Variants in MICB observed in about 807,000 individuals in gnomAD.
The protein encoded by MICB is MHC class I polypeptide-related sequence B.
In MICB, 27 loss-of-function variants were observed where a neutral mutation model predicts 34.3. That is an observed-to-expected ratio of 0.79 (90% CI 0.58 to 1.08). The LOEUF (loss-of-function observed/expected upper bound fraction) is 1.08, where lower values mean the gene tolerates loss of function less well. Ranked by LOEUF, MICB falls within the 50% of genes least tolerant of loss-of-function variation. The pLI, the probability that MICB is intolerant of heterozygous loss-of-function variation, is 0.00. For missense variants in MICB, 426 were observed against 483.1 expected (o/e 0.88, Z 1.11); for synonymous variants, 153 against 187.4 (o/e 0.82, Z 1.50).
chr6:31,501,171 A>G (rs957452302), intron 1 of MICB, among the ~76,000 whole-genome samples: 2 of 152,152 alleles, frequency 1.3e-5, no homozygotes, highest in African/African-American at 2.4e-5. Flanking sequence ...ATTTGCCTTC[A>G]TCTGATGACG....
chr6:31,506,522 T>A, intron 3 of MICB, 92 bp downstream of exon 3: 1 of 1,394,354 alleles, frequency 7.2e-7, no homozygotes, highest in South Asian at 1.4e-5. Flanking sequence ...CTCCCTGTGC[T>A]ATGGATGCAG....
chr6:31,498,873 C>G (rs886544181), intron 1 of MICB, among the ~76,000 whole-genome samples: 71 of 152,254 alleles, frequency 4.7e-4, no homozygotes, highest in Non-Finnish European at 8.7e-4. Context: ...ACTTTTCGGA[C>G]AAACCAGTCC....
intron 5 of MICB, among the ~76,000 whole-genome samples, chr6:31,509,077 C>T (rs2844498): frequency 0.46 from 69,497 of 151,922 alleles, 16,250 homozygotes; most frequent in East Asian, 0.62. Context: ...AAGCAGCAGC[C>T]CTGGGGTGAA....
Position 31,506,178 on chromosome 6 carries a change from A to G in MICB, c.361A>G (p.Ile121Val). The change falls in exon 3 of 6, where the codon ATC becomes GTC. Residue 121 changes from isoleucine to valine, a missense_variant. Ile to Val is a conservative substitution (Grantham distance 29). Coordinates refer to ENST00000252229, the MANE Select transcript of MICB (RefSeq NM_005931.5). Reference sequence around the variant, plus strand: ...CCTCCAGGAGATTAGGGTCTGTGAGATCCATGAAGACAGCAGCACCAGGGG... The same window carrying G: ...CCTCCAGGAGATTAGGGTCTGTGAGGTCCATGAAGACAGCAGCACCAGGGG... ...HSLQEIRVCE[I>V]HEDSSTRGSR... 2 of 1,614,058 alleles carry G rather than the reference A, an allele frequency of 1.2e-6. No homozygotes were observed. Among genetic ancestry groups the G allele is most frequent in the Non-Finnish European group, 1.7e-6 (2 of 1,179,984 alleles).
Position 31,507,585 on chromosome 6 carries a change from G to T in MICB, c.1024+54G>T. 1 of 1,607,516 alleles carries T rather than the reference G, an allele frequency of 6.2e-7. No individual in the cohort carries two copies. The highest frequency in any genetic ancestry group is 1.1e-5 in the South Asian group (1 of 90,648). ...GGGAAAGCTCCTTTCTAGGCAGTAGGGTCTCCTCATTGCTCCTGCCCAGAC... is the reference window on the plus strand; with the variant it reads ...GGGAAAGCTCCTTTCTAGGCAGTAGTGTCTCCTCATTGCTCCTGCCCAGAC... On this transcript the variant is annotated intron_variant, in intron 5 of 5. Transcript: ENST00000252229. The surrounding 1 kb of genome is among the most constrained non-coding windows in gnomAD (Gnocchi z 6.0).
At chr6:31,498,139 G>A, upstream of MICB, 2 of 1,464,634 alleles carry the variant, frequency 1.4e-6, no homozygotes, top group Non-Finnish European at 1.9e-6. Context: ...TCTTCTCACG[G>A]GTTTCATTCA....
At chr6:31,500,332 T>C (rs1235949663) in intron 1 of MICB, among the ~76,000 whole-genome samples, 1 of 152,132 alleles carries the variant, frequency 6.6e-6, no homozygotes, top group Non-Finnish European at 1.5e-5. Context: ...GTAGTAGATA[T>C]GTATGTATAT....
upstream of MICB, chr6:31,498,070 C>A: frequency 1.5e-6 from 1 of 652,160 alleles, no homozygotes; most frequent in Non-Finnish European, 2.4e-6. Context: ...TTCCGGGCCT[C>A]AGTTTTCACT....
Position 31,505,718 on chromosome 6 carries a change from C to A in MICB, c.172C>A (p.Arg58Ser). The A allele has an allele frequency of 6.2e-7, 1 of 1,613,076 alleles. No individual in the cohort carries two copies. The highest frequency in any genetic ancestry group is 8.5e-7 in the Non-Finnish European group (1 of 1,180,032). The change falls in exon 2 of 6, where the codon CGC (arginine) becomes AGC (serine). Residue 58 changes from arginine (R) to serine (S), a missense_variant. Physicochemically the swap from Arg to Ser is moderately radical, Grantham distance 110. Transcript: ENST00000252229. ...EGHLDGQPFL[R>S]YDRQKRRAKP... ...ACATCTGGATGGTCAGCCCTTCCTG[C>A]GCTATGACAGGCAGAAACGCAGGGC...
chr6:31,505,265 T>C (rs2855814), intron 1 of MICB, among the ~76,000 whole-genome samples: 18,153 of 152,102 alleles, frequency 0.12, 1,204 homozygotes, highest in Admixed American at 0.21. Flanking sequence ...CCATTCCCAC[T>C]GTCCCCTCTG....
chr6:31,504,499 T>C (rs1765189838), intron 1 of MICB, among the ~76,000 whole-genome samples: 1 of 140,724 alleles, frequency 7.1e-6, no homozygotes, highest in Non-Finnish European at 1.6e-5. Context: ...GACCTGGTGA[T>C]ACACCCGCCT....
chr6:31,498,383 T>A, intron 1 of MICB, 120 bp downstream of exon 1: 1 of 611,352 alleles, frequency 1.6e-6, no homozygotes, highest in Non-Finnish European at 2.5e-6. Context: ...CTGTCTGGAG[T>A]GCAGGGAGCT....
chr6:31,507,387 C>A lies in MICB; in HGVS notation c.893-13C>A, dbSNP rs561660266. 2 of 1,614,032 alleles carry A rather than the reference C, an allele frequency of 1.2e-6. No individual in the cohort carries two copies. The highest frequency in any genetic ancestry group is 2.7e-5 in the African/African-American group (2 of 74,980). On this transcript the variant is annotated splice_polypyrimidine_tract_variant and intron_variant, in intron 4 of 5. Coordinates refer to ENST00000252229, the MANE Select transcript of MICB (RefSeq NM_005931.5). The surrounding 1 kb of genome is among the most constrained non-coding windows in gnomAD (Gnocchi z 6.0). Reference sequence around the variant, plus strand: ...GCTCTCTGCCCAGTGTATAACAAGTCCCTTTTTTTCAGGGAAGGCGCTGGT... The same window carrying A: ...GCTCTCTGCCCAGTGTATAACAAGTACCTTTTTTTCAGGGAAGGCGCTGGT...
chr6:31,507,031 T>C lies in MICB; in HGVS notation c.623T>C (p.Met208Thr), dbSNP rs550729339. 4.3e-6 allele frequency: 7 copies of C among 1,613,406 alleles called. No individual in the cohort carries two copies. The Admixed American group carries it at 1.2e-4, about 27-fold the overall frequency. Reference sequence around the variant, plus strand: ...GCCCTTTCTTCTCCAGTGCCCCCCATGGTGAATGTCACCTGCAGCGAGGTC... The same window carrying C: ...GCCCTTTCTTCTCCAGTGCCCCCCACGGTGAATGTCACCTGCAGCGAGGTC... ...GVAIRRTVPP[M>T]VNVTCSEVSE... Residue 208 changes from methionine to threonine, a missense_variant, in exon 4 of 6, where the codon ATG (methionine) becomes ACG (threonine). Coordinates refer to ENST00000252229, the MANE Select transcript of MICB (RefSeq NM_005931.5). The surrounding 1 kb of genome is among the most constrained non-coding windows in gnomAD (Gnocchi z 6.0).
upstream of MICB, among the ~76,000 whole-genome samples, chr6:31,497,772 G>C (rs1366324028): frequency 6.6e-6 from 1 of 152,190 alleles, no homozygotes; most frequent in Non-Finnish European, 1.5e-5. Flanking sequence ...CGGCCTGATG[G>C]GAGGACCGGC....
At chr6:31,498,030 C>T (rs1221187056), upstream of MICB, 10 of 412,150 alleles carry the variant, frequency 2.4e-5, no homozygotes, top group Non-Finnish European at 4.3e-5. Flanking sequence ...GAACGTGGCC[C>T]CGCCCTCTCC....
chr6:31,505,224 G>T (rs374837478), intron 1 of MICB, among the ~76,000 whole-genome samples: 62 of 152,044 alleles, frequency 4.1e-4, no homozygotes, highest in Admixed American at 1.5e-3. Context: ...AGCCACACTG[G>T]ACATGGGTCC....
chr6:31,498,256 C>T lies in MICB; in HGVS notation c.63C>T (p.Ala21=), dbSNP rs749805859. The T allele has an allele frequency of 1.1e-3, 1,713 of 1,571,240 alleles. 6 individuals are homozygous for T. Among genetic ancestry groups the T allele is most frequent in the Non-Finnish European group, 1.3e-3 (1,459 of 1,156,408 alleles). Residue 21 remains alanine, a synonymous_variant, in exon 1 of 6, where the codon GCC becomes GCT. Transcript: ENST00000252229. Reference sequence around the variant, plus strand: ...CCTTCCCTTTTGCACCCCCGGCAGCCGCCGCTGGTGAGTGGGGTTCCTGGC... The same window carrying T: ...CCTTCCCTTTTGCACCCCCGGCAGCTGCCGCTGGTGAGTGGGGTTCCTGGC... ...AVAFPFAPPA[A]AAEPHSLRYN...
intron 1 of MICB, among the ~76,000 whole-genome samples, chr6:31,505,021 T>A (rs1765219331): frequency 6.6e-6 from 1 of 152,094 alleles, no homozygotes; most frequent in South Asian, 2.1e-4. Flanking sequence ...ATGCTACTCT[T>A]CCACTTTGGA....
Sources: gnomAD v4.1 joint callset for allele counts (sites outside exome capture counted in the v4.1 genomes callset) on GRCh38, gnomAD v4.1.1 for gene constraint, Gnocchi (gnomAD v3.1) non-coding constraint, MANE v1.5 for transcripts, NCBI Gene and HGNC (gene_info 2026-07-23, HGNC 2026-07-21) for gene names.